SYN2: variants seen among roughly 807,000 people sequenced by gnomAD.
SYN2 encodes synapsin II.
Under a neutral mutation model 50.9 loss-of-function variants are expected in SYN2, and 19 were observed. The ratio of observed to expected loss-of-function variants is 0.37; its 90% CI spans 0.26 to 0.55. The LOEUF is 0.55. Ranked by LOEUF, SYN2 falls within the 20% of genes least tolerant of loss-of-function variation. The pLI is 0.81. For synonymous variants in SYN2, 255 were observed against 224.9 expected, an observed-to-expected ratio of 1.13 and a Z score of -1.20; for missense variants, 587 against 576.4, an observed-to-expected ratio of 1.02 and a Z score of -0.19.
At chr3:12,077,220 C>T (rs1695485084) in intron 1 of SYN2, among the ~76,000 whole-genome samples, 1 of 152,052 alleles carries the variant, frequency 6.6e-6, no homozygotes, top group South Asian at 2.1e-4. Flanking sequence ...AAGATGGTTT[C>T]ACTCCCAAGA....
chr3:12,009,826 C>T (rs1693878522), intron 1 of SYN2, among the ~76,000 whole-genome samples: 1 of 152,162 alleles, frequency 6.6e-6, no homozygotes, highest in Non-Finnish European at 1.5e-5. Flanking sequence ...GAAGGTTGGG[C>T]GCGGTGGCTC....
At chr3:12,173,566 T>A (rs1173223599) in intron 10 of SYN2, among the ~76,000 whole-genome samples, 7 of 152,088 alleles carry the variant, frequency 4.6e-5, no homozygotes, top group Admixed American at 4.6e-4. Flanking sequence ...TTCTCTCCTA[T>A]CCTCTCTAGT....
At chr3:12,008,820 A>G (rs1207378229) in intron 1 of SYN2, among the ~76,000 whole-genome samples, 2 of 152,230 alleles carry the variant, frequency 1.3e-5, no homozygotes, top group African/African-American at 4.8e-5. Context: ...AAGAATTGGA[A>G]TCAAAAGAGA....
At chr3:12,036,589 T>C (rs1406579396) in intron 1 of SYN2, among the ~76,000 whole-genome samples, 1 of 152,126 alleles carries the variant, frequency 6.6e-6, no homozygotes, top group Non-Finnish European at 1.5e-5. Flanking sequence ...GTGCCAGGCA[T>C]AGTGAGGAAA....
At chr3:12,046,116 T>G (rs1193177147) in intron 1 of SYN2, among the ~76,000 whole-genome samples, 1 of 152,202 alleles carries the variant, frequency 6.6e-6, no homozygotes, top group Non-Finnish European at 1.5e-5. Context: ...ATTGTTCAGT[T>G]TTATTCTCTG....
chr3:12,010,987 A>G (rs1016839588), intron 1 of SYN2, among the ~76,000 whole-genome samples: 14 of 152,334 alleles, frequency 9.2e-5, no homozygotes, highest in Admixed American at 7.8e-4. Flanking sequence ...AAAGATGACA[A>G]TGCCACCTGA....
At chr3:12,075,913 T>C (rs562011888) in intron 1 of SYN2, among the ~76,000 whole-genome samples, 21 of 152,320 alleles carry the variant, frequency 1.4e-4, no homozygotes, top group African/African-American at 5.0e-4. Context: ...CAATATTCCT[T>C]GAATGCTTAC....
intron 8 of SYN2, among the ~76,000 whole-genome samples, 184 bp from the exon 9 acceptor site, chr3:12,168,192 G>A (rs564058577): frequency 6.6e-6 from 1 of 152,290 alleles, no homozygotes; most frequent in Non-Finnish European, 1.5e-5. Context: ...AAAATGGGTA[G>A]AATCTGGAAA....
At chr3:12,016,625 G>A (rs1209028145) in intron 1 of SYN2, among the ~76,000 whole-genome samples, 1 of 152,232 alleles carries the variant, frequency 6.6e-6, no homozygotes, top group East Asian at 1.9e-4. Context: ...GGGAAGCTGA[G>A]GCGGGCAGAT....
At chr3:12,037,367 C>A (rs1189475840) in intron 1 of SYN2, among the ~76,000 whole-genome samples, 1 of 152,230 alleles carries the variant, frequency 6.6e-6, no homozygotes, top group East Asian at 1.9e-4. Flanking sequence ...AGCCCCACTT[C>A]TTTGCACCAA....
chr3:12,078,985 C>T (rs1574928077), intron 1 of SYN2, among the ~76,000 whole-genome samples: 1 of 151,920 alleles, frequency 6.6e-6, no homozygotes, highest in Non-Finnish European at 1.5e-5. Context: ...TTTCTTGAGC[C>T]GTGGTTTGTA....
intron 1 of SYN2, among the ~76,000 whole-genome samples, chr3:12,068,796 G>T (rs997279589): frequency 2.0e-5 from 3 of 151,826 alleles, no homozygotes; most frequent in Non-Finnish European, 2.9e-5. Context: ...CCCACTTAAA[G>T]TGTGCAATCC....
intron 1 of SYN2, among the ~76,000 whole-genome samples, chr3:12,018,931 T>C (rs1360267016): frequency 6.6e-6 from 1 of 152,174 alleles, no homozygotes; most frequent in Non-Finnish European, 1.5e-5. Flanking sequence ...GAGTAAGAAC[T>C]TAGGGGAGGA....
At chr3:12,161,914 A>G in intron 6 of SYN2, 98 bp from the exon 7 acceptor site, 2 of 1,508,268 alleles carry the variant, frequency 1.3e-6, no homozygotes, top group Non-Finnish European at 1.8e-6. Context: ...TGGATCGGAT[A>G]CATATTGGTG....
chr3:12,155,763 C>G (rs555079781), intron 5 of SYN2, among the ~76,000 whole-genome samples: 126 of 152,336 alleles, frequency 8.3e-4, no homozygotes, highest in South Asian at 1.7e-3. Flanking sequence ...GAACATGTTT[C>G]CTCATTTCCC....
chr3:12,148,804 T>A (rs1697212707), intron 4 of SYN2: 1 of 152,210 alleles, frequency 6.6e-6, no homozygotes, highest in South Asian at 2.1e-4. Context: ...GGAATCCCAT[T>A]TTTTTCCAAG....
At chr3:12,189,421 ATC>A (rs1191217837) in intron 12 of SYN2, among the ~76,000 whole-genome samples, 1 of 152,142 alleles carries the variant, frequency 6.6e-6, no homozygotes, top group Non-Finnish European at 1.5e-5. Flanking sequence ...CCTGATATAT[ATC>A]TCTTTTGCCA....
chr3:12,129,599 A>G (rs1696747099), intron 1 of SYN2, among the ~76,000 whole-genome samples: 1 of 152,138 alleles, frequency 6.6e-6, no homozygotes, highest in Non-Finnish European at 1.5e-5. Flanking sequence ...TTTTTGATTC[A>G]GGGAGTGTGT....
At chr3:12,053,173 A>G (rs1421060634) in intron 1 of SYN2, among the ~76,000 whole-genome samples, 1 of 152,178 alleles carries the variant, frequency 6.6e-6, no homozygotes, top group East Asian at 1.9e-4. Flanking sequence ...CTGTAATCCC[A>G]GCACTTTGGG....
Sources: allele counts gnomAD v4.1 joint callset (sites outside exome capture counted in the v4.1 genomes callset), GRCh38; gene constraint gnomAD v4.1.1; transcripts MANE v1.5; gene names NCBI Gene and HGNC (gene_info 2026-07-23, HGNC 2026-07-21).